ERBB4: variants seen among roughly 807,000 people sequenced by gnomAD.
The protein encoded by ERBB4 is receptor tyrosine-protein kinase erbB-4.
In ERBB4, 42 loss-of-function variants were observed where a neutral mutation model predicts 158.0. That is an observed-to-expected ratio of 0.27 (90% CI 0.21 to 0.34). The LOEUF is 0.34. Among genes scored for constraint, ERBB4 ranks in the 10% least tolerant of loss-of-function variants. The pLI is 1.00. For synonymous variants in ERBB4, 583 were observed against 558.7 expected, an observed-to-expected ratio of 1.04 and a Z score of -0.61; for missense variants, 1,333 against 1,624.1, an observed-to-expected ratio of 0.82 and a Z score of 3.08.
intron 3 of ERBB4, among the ~76,000 whole-genome samples, chr2:211,864,062 T>A (rs1277950700): frequency 6.6e-6 from 1 of 152,178 alleles, no homozygotes; most frequent in Non-Finnish European, 1.5e-5. Flanking sequence ...GGCCTGCCTG[T>A]GTTCTCACAA....
At chr2:212,171,867 T>C (rs974075857) in intron 1 of ERBB4, among the ~76,000 whole-genome samples, 6 of 151,998 alleles carry the variant, frequency 3.9e-5, no homozygotes, top group African/African-American at 1.4e-4. Flanking sequence ...AACAGACCAA[T>C]ACAATGATTA....
chr2:211,857,375 T>C (rs925316867), intron 3 of ERBB4, among the ~76,000 whole-genome samples: 1 of 152,196 alleles, frequency 6.6e-6, no homozygotes, highest in Non-Finnish European at 1.5e-5. Context: ...TATGTATATA[T>C]CCTGAAATTC....
intron 2 of ERBB4, among the ~76,000 whole-genome samples, chr2:212,050,919 GAAC>G (rs2077382292): frequency 6.6e-6 from 1 of 152,130 alleles, no homozygotes; most frequent in African/African-American, 2.4e-5. Flanking sequence ...TCTGCCGTAT[GAAC>G]AACTAGAGAA....
At chr2:211,999,697 G>A (rs1575494643) in intron 2 of ERBB4, among the ~76,000 whole-genome samples, 1 of 151,654 alleles carries the variant, frequency 6.6e-6, no homozygotes, top group African/African-American at 2.4e-5. Context: ...AGCTACAAAT[G>A]GGACATCTTG....
intron 1 of ERBB4, among the ~76,000 whole-genome samples, chr2:212,215,122 A>G (rs1559763317): frequency 6.6e-6 from 1 of 151,544 alleles, no homozygotes; most frequent in Non-Finnish European, 1.5e-5. Flanking sequence ...AGGTGCTTGT[A>G]TATCCTGTCA....
intron 25 of ERBB4, among the ~76,000 whole-genome samples, chr2:211,412,325 TTTTA>T (rs1559141117): frequency 6.6e-6 from 1 of 151,452 alleles, no homozygotes; most frequent in South Asian, 2.1e-4. Context: ...TGGTGGGGGG[TTTTA>T]TTTGTTTGTT....
chr2:211,692,166 G>C (rs1308354036), intron 12 of ERBB4, among the ~76,000 whole-genome samples: 2 of 152,172 alleles, frequency 1.3e-5, no homozygotes, highest in African/African-American at 2.4e-5. Flanking sequence ...AATGCTCTTA[G>C]CATATGCCTG....
chr2:211,504,358 T>C (rs1177421244), intron 20 of ERBB4, among the ~76,000 whole-genome samples: 1 of 151,440 alleles, frequency 6.6e-6, no homozygotes, highest in African/African-American at 2.4e-5. Flanking sequence ...AAATAATTCA[T>C]ACAGAACCTT....
At chr2:211,937,475 T>A (rs914433889) in intron 3 of ERBB4, among the ~76,000 whole-genome samples, 3 of 152,112 alleles carry the variant, frequency 2.0e-5, no homozygotes, top group African/African-American at 7.2e-5. Context: ...GAAATAGACT[T>A]TTTCTATTAG....
chr2:212,431,922 T>C (rs2092038696), intron 1 of ERBB4, among the ~76,000 whole-genome samples: 1 of 152,202 alleles, frequency 6.6e-6, no homozygotes, highest in South Asian at 2.1e-4. Flanking sequence ...AATTTATTAT[T>C]CTCCATAATA....
chr2:212,307,759 G>T, intron 1 of ERBB4, among the ~76,000 whole-genome samples: 1 of 151,094 alleles, frequency 6.6e-6, no homozygotes, highest in Non-Finnish European at 1.5e-5. Flanking sequence ...ATTTCATGTA[G>T]TTGCTTTAAA....
intron 1 of ERBB4, among the ~76,000 whole-genome samples, chr2:212,535,476 T>C (rs1693000105): frequency 6.6e-6 from 1 of 152,174 alleles, no homozygotes; most frequent in Non-Finnish European, 1.5e-5. Context: ...TTTTATAGAA[T>C]GAAAAGCAAG....
intron 2 of ERBB4, among the ~76,000 whole-genome samples, chr2:212,002,983 C>A (rs935300740): frequency 6.6e-6 from 1 of 150,428 alleles, no homozygotes; most frequent in Non-Finnish European, 1.5e-5. Flanking sequence ...TGCTTGAACC[C>A]GGGAGGCGGA....
chr2:211,734,546 C>T (rs555320458), intron 5 of ERBB4, among the ~76,000 whole-genome samples: 55 of 147,322 alleles, frequency 3.7e-4, no homozygotes, highest in Admixed American at 7.6e-4. Flanking sequence ...TACAATGTAA[C>T]CTAAATGTCC....
In ERBB4 at chr2:211,381,931, G is replaced by C. The variant is rs2062579705; in HGVS notation, c.*1684C>G. Reference sequence around the variant, plus strand: ...TGATGTGAGGCCCCCTTTACTTGGAGACTCATCTCTGTCATTTGTTCTCAT... The same window carrying C: ...TGATGTGAGGCCCCCTTTACTTGGACACTCATCTCTGTCATTTGTTCTCAT... On this transcript the variant is annotated 3_prime_UTR_variant, in exon 28 of 28. Coordinates refer to ENST00000342788, the MANE Select transcript of ERBB4 (RefSeq NM_005235.3). The C allele has an allele frequency of 4.4e-6, 1 of 229,628 alleles. No individual in the cohort carries two copies. Among genetic ancestry groups the C allele is most frequent in the African/African-American group, 2.2e-5 (1 of 45,156 alleles). The allele number at this position is 229,628 out of a possible 1,614,324, so 14.2% of individuals were successfully genotyped here.
chr2:212,530,828 C>T (rs7571642), intron 1 of ERBB4, among the ~76,000 whole-genome samples: 25,512 of 152,000 alleles, frequency 0.17, 2,238 homozygotes, highest in African/African-American at 0.23. Flanking sequence ...CAGGTGAAAC[C>T]GATTGTTTAC....
At chr2:211,880,239 C>A (rs1189860170) in intron 3 of ERBB4, among the ~76,000 whole-genome samples, 1 of 152,078 alleles carries the variant, frequency 6.6e-6, no homozygotes, top group Admixed American at 6.6e-5. Context: ...GCTCAAAATG[C>A]TACTTACACT....
intron 1 of ERBB4, among the ~76,000 whole-genome samples, chr2:212,528,711 T>A (rs949415515): frequency 5.3e-5 from 8 of 152,108 alleles, no homozygotes; most frequent in African/African-American, 1.9e-4. Flanking sequence ...TGAAAAGAAA[T>A]GTCTAGAAGT....
chr2:212,198,759 T>G (rs2082505838), intron 1 of ERBB4, among the ~76,000 whole-genome samples: 1 of 118,690 alleles, frequency 8.4e-6, no homozygotes, highest in Admixed American at 8.4e-5. Context: ...TTTTTTTGGA[T>G]TTTTAGTAGA....
Sources: gnomAD v4.1 joint callset for allele counts (sites outside exome capture counted in the v4.1 genomes callset) on GRCh38, gnomAD v4.1.1 for gene constraint, MANE v1.5 for transcripts, NCBI Gene and HGNC (gene_info 2026-07-23, HGNC 2026-07-21) for gene names.